Variants in ERBB4 observed in about 807,000 individuals in gnomAD.
ERBB4 encodes receptor tyrosine-protein kinase erbB-4.
ERBB4 carries 42 observed loss-of-function variants against 158.0 expected under a neutral mutation model. The observed-to-expected ratio is 0.27, with a 90% CI of 0.21 to 0.34. ERBB4 has a LOEUF of 0.34. Among genes scored for constraint, ERBB4 ranks in the 10% least tolerant of loss-of-function variants. The probability of loss-of-function intolerance (pLI) is 1.00; values close to 1 mark genes in which losing one functional copy is unlikely to be tolerated. For synonymous variants in ERBB4, 583 were observed against 558.7 expected (o/e 1.04, Z -0.61); for missense variants, 1,333 against 1,624.1 (o/e 0.82, Z 3.08).
chr2:211,771,199 C>T (rs1349714869), intron 4 of ERBB4, among the ~76,000 whole-genome samples: 2 of 152,218 alleles, frequency 1.3e-5, no homozygotes, highest in South Asian at 2.1e-4. Context: ...TACATACCCA[C>T]GATTGGAAAC....
intron 1 of ERBB4, among the ~76,000 whole-genome samples, chr2:212,136,896 A>T (rs1261275993): frequency 6.6e-6 from 1 of 152,198 alleles, no homozygotes; most frequent in African/African-American, 2.4e-5. Context: ...ATCACCTTCT[A>T]ACAAGTTTTC....
At chr2:211,866,618 T>C (rs1415903202) in intron 3 of ERBB4, among the ~76,000 whole-genome samples, 1 of 152,148 alleles carries the variant, frequency 6.6e-6, no homozygotes, top group Non-Finnish European at 1.5e-5. Flanking sequence ...CAAGTACAAT[T>C]ATATAAATGA....
At chr2:212,513,180 A>T (rs1161914178) in intron 1 of ERBB4, among the ~76,000 whole-genome samples, 1 of 152,072 alleles carries the variant, frequency 6.6e-6, no homozygotes, top group Non-Finnish European at 1.5e-5. Context: ...TCCTCACTAG[A>T]TTGTTTAATA....
At chr2:211,510,325 G>A (rs1248540529) in intron 20 of ERBB4, among the ~76,000 whole-genome samples, 1 of 152,020 alleles carries the variant, frequency 6.6e-6, no homozygotes, top group Non-Finnish European at 1.5e-5. Flanking sequence ...GGAGAGGGTG[G>A]GAGGAGGGTA....
intron 1 of ERBB4, among the ~76,000 whole-genome samples, chr2:212,394,544 A>T (rs971172668): frequency 2.6e-5 from 4 of 152,206 alleles, no homozygotes; most frequent in Middle Eastern, 3.4e-3. Context: ...TTTTAGAAAC[A>T]TAATTTAATT....
chr2:211,450,662 T>C (rs1424856404), intron 20 of ERBB4, among the ~76,000 whole-genome samples: 6 of 152,180 alleles, frequency 3.9e-5, no homozygotes, highest in Non-Finnish European at 8.8e-5. Context: ...TGGTGATATA[T>C]GCAGGACTAA....
chr2:211,506,139 A>G (rs1282375623), intron 20 of ERBB4, among the ~76,000 whole-genome samples: 1 of 152,080 alleles, frequency 6.6e-6, no homozygotes, highest in Non-Finnish European at 1.5e-5. Context: ...AGCCATTCTT[A>G]GACTTTAAAT....
intron 1 of ERBB4, among the ~76,000 whole-genome samples, chr2:212,438,292 C>A (rs936027830): frequency 6.6e-6 from 1 of 152,058 alleles, no homozygotes; most frequent in African/African-American, 2.4e-5. Context: ...AAGTTATTAT[C>A]CACTTTCAGT....
chr2:212,208,343 C>T (rs1378706567), intron 1 of ERBB4, among the ~76,000 whole-genome samples: 3 of 152,224 alleles, frequency 2.0e-5, no homozygotes, highest in East Asian at 1.9e-4. Flanking sequence ...AACCCATATC[C>T]TTCTTTTCTC....
intron 1 of ERBB4, among the ~76,000 whole-genome samples, chr2:212,192,006 TA>T (rs753403269): frequency 3.8e-5 from 4 of 105,644 alleles, no homozygotes; most frequent in South Asian, 4.9e-4. Context: ...ATGTTATATA[TA>T]ATATATGTTA....
At chr2:212,311,481 C>T (rs1401944732) in intron 1 of ERBB4, among the ~76,000 whole-genome samples, 1 of 150,780 alleles carries the variant, frequency 6.6e-6, no homozygotes, top group Non-Finnish European at 1.5e-5. Context: ...CTGTTGACTG[C>T]CCATTAAAGC....
chr2:211,605,200 A>C (rs2068937840), intron 19 of ERBB4, among the ~76,000 whole-genome samples: 1 of 152,172 alleles, frequency 6.6e-6, no homozygotes, highest in Non-Finnish European at 1.5e-5. Flanking sequence ...TAAATCTAAA[A>C]GGGAGAAAAT....
intron 1 of ERBB4, among the ~76,000 whole-genome samples, chr2:212,229,529 G>C: frequency 6.6e-6 from 1 of 152,186 alleles, no homozygotes; most frequent in Non-Finnish European, 1.5e-5. Context: ...ATCAAGCTCA[G>C]TATTTAACTT....
intron 2 of ERBB4, among the ~76,000 whole-genome samples, chr2:212,075,725 G>T (rs1441302576): frequency 1.3e-5 from 2 of 151,852 alleles, no homozygotes; most frequent in African/African-American, 4.8e-5. Flanking sequence ...TTGAAGGGCA[G>T]AATAGTGATG....
intron 1 of ERBB4, among the ~76,000 whole-genome samples, chr2:212,141,498 CA>C (rs1313854301): frequency 6.6e-6 from 1 of 151,968 alleles, no homozygotes; most frequent in Non-Finnish European, 1.5e-5. Flanking sequence ...ACTGCTCCAA[CA>C]GTACTATTTT....
intron 1 of ERBB4, among the ~76,000 whole-genome samples, chr2:212,491,627 T>A (rs568507973): frequency 2.6e-5 from 4 of 151,702 alleles, no homozygotes; most frequent in African/African-American, 9.6e-5. Flanking sequence ...AATAGATTAC[T>A]GCCTTTCATT....
At chr2:211,483,220 A>C (rs2065127671) in intron 20 of ERBB4, among the ~76,000 whole-genome samples, 1 of 152,190 alleles carries the variant, frequency 6.6e-6, no homozygotes, top group South Asian at 2.1e-4. Flanking sequence ...GGACAAATTA[A>C]GTAACCAAAT....
At chr2:211,445,362 G>C (rs143460905) in intron 20 of ERBB4, among the ~76,000 whole-genome samples, 1 of 152,048 alleles carries the variant, frequency 6.6e-6, no homozygotes, top group Non-Finnish European at 1.5e-5. Context: ...GACAGATATG[G>C]GACCTTACCA....
At chr2:212,530,634 A>G (rs1692702613) in intron 1 of ERBB4, among the ~76,000 whole-genome samples, 1 of 152,196 alleles carries the variant, frequency 6.6e-6, no homozygotes, top group Admixed American at 6.5e-5. Flanking sequence ...GTTGTCAATT[A>G]TTTTCAGTCC....
Sources: gnomAD v4.1 joint callset for allele counts (sites outside exome capture counted in the v4.1 genomes callset) on GRCh38, gnomAD v4.1.1 for gene constraint, MANE v1.5 for transcripts, NCBI Gene and HGNC (gene_info 2026-07-23, HGNC 2026-07-21) for gene names.